Variants in DENND2C observed in about 807,000 individuals in gnomAD.
DENND2C encodes the protein DENN domain containing 2C, also known as DENN domain-containing protein 2C.
Under a neutral mutation model 112.4 loss-of-function variants are expected in DENND2C, and 72 were observed. That is an observed-to-expected ratio of 0.64 (90% CI 0.53 to 0.78). DENND2C has a LOEUF of 0.78. Ranked by LOEUF, DENND2C falls within the 30% of genes least tolerant of loss-of-function variation. DENND2C has a pLI of 0.00. For missense variants in DENND2C, 992 were observed against 1,113.8 expected, an observed-to-expected ratio of 0.89 and a Z score of 1.56; for synonymous variants, 329 against 381.6, an observed-to-expected ratio of 0.86 and a Z score of 1.61.
At chr1:114,629,927 G>A (rs1656441951) in intron 3 of DENND2C, among the ~76,000 whole-genome samples, 1 of 152,082 alleles carries the variant, frequency 6.6e-6, no homozygotes, top group African/African-American at 2.4e-5. Context: ...TAAGCATCTG[G>A]AAAAATAACT....
chr1:114,611,512 C>T (rs1397121053), intron 8 of DENND2C, among the ~76,000 whole-genome samples: 2 of 152,084 alleles, frequency 1.3e-5, no homozygotes, highest in Non-Finnish European at 2.9e-5. Flanking sequence ...AGAATCTAAA[C>T]ACCAACCAGA....
chr1:114,657,943 G>A (rs979196606), intron 1 of DENND2C, among the ~76,000 whole-genome samples: 17 of 152,176 alleles, frequency 1.1e-4, no homozygotes, highest in African/African-American at 2.9e-4. Flanking sequence ...CAATGGGACC[G>A]GAAAGATTAT....
chr1:114,618,707 T>C (rs979930528), intron 7 of DENND2C, among the ~76,000 whole-genome samples: 4 of 152,220 alleles, frequency 2.6e-5, no homozygotes, highest in Admixed American at 1.3e-4. Flanking sequence ...GGAAAGGATA[T>C]TGGATGAACC....
In DENND2C at chr1:114,652,083, G is replaced by A. The variant is rs143296047; in HGVS notation, c.-317+2422C>T. On this transcript the variant is annotated intron_variant, in intron 2 of 20. Transcript: ENST00000393274. ...CGACTGGCACAGAGTATTGGCAAGT[G>A]GACCTTGGGCTTGATTTCAGCTCCT... 8.8e-4 allele frequency among the ~76,000 whole-genome samples: 134 copies of A among 152,264 alleles called. 1 individual carries two copies. Among genetic ancestry groups the A allele is most frequent in the African/African-American group, 3.1e-3 (129 of 41,538 alleles).
chr1:114,616,023 C>T (rs1181864659), intron 8 of DENND2C, among the ~76,000 whole-genome samples: 4 of 151,820 alleles, frequency 2.6e-5, no homozygotes, highest in East Asian at 1.9e-4. Flanking sequence ...TGCAGTGAGC[C>T]GAGATCGCAC....
chr1:114,614,228 T>A (rs1655896491), intron 8 of DENND2C, among the ~76,000 whole-genome samples: 1 of 138,184 alleles, frequency 7.2e-6, no homozygotes. Context: ...TGAGACTCTG[T>A]CTTGAAAAAA....
At chr1:114,655,883 A>ATATATATATATATATATATAT (rs1557960847) in intron 1 of DENND2C, among the ~76,000 whole-genome samples, 116 of 125,856 alleles carry the variant, frequency 9.2e-4, no homozygotes, top group East Asian at 4.9e-3. Context: ...TATATGTATA[A>ATATATATATATATATATATAT]ATATATATAT....
At position 114,583,253 on chromosome 1, in the gene DENND2C, C is replaced by T. The variant is rs775092588; in HGVS notation, c.*2347G>A. Reference sequence around the variant, plus strand: ...CTGTAGGAATTATATTATACAGCACCAGTCTTAAATGGTGTTCTGCTTCAG... The same window carrying T: ...CTGTAGGAATTATATTATACAGCACTAGTCTTAAATGGTGTTCTGCTTCAG... On this transcript the variant is annotated 3_prime_UTR_variant, in exon 21 of 21. Transcript: ENST00000393274. 1 of 152,088 alleles carries T rather than the reference C, an allele frequency of 6.6e-6. No homozygotes were observed. Among genetic ancestry groups the T allele is most frequent in the Non-Finnish European group, 1.5e-5 (1 of 68,022 alleles). The allele number at this position is 152,088 out of a possible 1,614,324, so 9.4% of individuals were successfully genotyped here.
At chr1:114,588,061 G>A (rs1655089889) in intron 18 of DENND2C, 109 bp from the exon 19 acceptor site, 1 of 908,026 alleles carries the variant, frequency 1.1e-6, no homozygotes, top group South Asian at 1.7e-5. Context: ...TAGATTAAAG[G>A]ACTGAGAATA....
At position 114,613,506 on chromosome 1, in the gene DENND2C, A is replaced by G. The variant is rs574132419; in HGVS notation, c.1325-2389T>C. Among the ~76,000 whole-genome samples, 12 of 152,346 alleles carry G rather than the reference A, an allele frequency of 7.9e-5. No homozygotes were observed. The East Asian group carries it at 2.3e-3, about 29-fold the overall frequency. Reference sequence around the variant, plus strand: ...CATATTACATATGTTTTATAACTCAAAATTAACCACCATGACAAAAAGTAT... The same window carrying G: ...CATATTACATATGTTTTATAACTCAGAATTAACCACCATGACAAAAAGTAT... On this transcript the variant is annotated intron_variant, in intron 8 of 20. Coordinates refer to ENST00000393274, the MANE Select transcript of DENND2C (RefSeq NM_001256404.2).
chr1:114,627,538 A>G (rs183959163), intron 3 of DENND2C, among the ~76,000 whole-genome samples: 10 of 152,228 alleles, frequency 6.6e-5, no homozygotes, highest in Admixed American at 6.5e-4. Context: ...AATTTCTGGG[A>G]AAACCAGCTT....
At chr1:114,603,857 A>G (rs940855638) in intron 11 of DENND2C, among the ~76,000 whole-genome samples, 2 of 152,186 alleles carry the variant, frequency 1.3e-5, no homozygotes, top group African/African-American at 4.8e-5. Context: ...CTTGAACAAT[A>G]TATACATGTC....
chr1:114,618,206 T>C (rs1357784509), intron 8 of DENND2C, among the ~76,000 whole-genome samples, 180 bp downstream of exon 8: 1 of 152,170 alleles, frequency 6.6e-6, no homozygotes, highest in African/African-American at 2.4e-5. Context: ...GCCAGGATAG[T>C]CTCGATCTCC....
intron 6 of DENND2C, among the ~76,000 whole-genome samples, chr1:114,622,300 G>C (rs767476929): frequency 4.0e-4 from 60 of 151,856 alleles, no homozygotes; most frequent in African/African-American, 1.4e-3. Context: ...TTTTTTGGTA[G>C]AGATGGGGTT....
chr1:114,589,532 T>C (rs1393567023), intron 18 of DENND2C, among the ~76,000 whole-genome samples: 1 of 152,018 alleles, frequency 6.6e-6, no homozygotes, highest in Non-Finnish European at 1.5e-5. Flanking sequence ...TCTTTTTTCT[T>C]TTTTTTAATT....
At chr1:114,636,611 C>A (rs1485260465) in intron 3 of DENND2C, among the ~76,000 whole-genome samples, 1 of 152,096 alleles carries the variant, frequency 6.6e-6, no homozygotes, top group Admixed American at 6.6e-5. Context: ...GAGGTCGAGG[C>A]TGCAGTGAGC....
chr1:114,636,047 T>G (rs1570794643), intron 3 of DENND2C, among the ~76,000 whole-genome samples: 1 of 149,844 alleles, frequency 6.7e-6, no homozygotes, highest in Non-Finnish European at 1.5e-5. Context: ...ATATATAATA[T>G]ATATATAAGC....
intron 17 of DENND2C, 179 bp downstream of exon 17, chr1:114,595,637 TAGGCAGCTATAAACTG>T (rs1228218246): frequency 7.7e-6 from 4 of 518,866 alleles, no homozygotes; most frequent in Non-Finnish European, 1.4e-5. Flanking sequence ...TCCTTTGGGA[TAGGCAGCTATAAACTG>T]AAGCCAAATT....
At chr1:114,639,946 G>A (rs1216792410) in intron 3 of DENND2C, among the ~76,000 whole-genome samples, 2 of 152,138 alleles carry the variant, frequency 1.3e-5, no homozygotes, top group African/African-American at 4.8e-5. Flanking sequence ...AACTCTGGCA[G>A]GGCATTACTG....
Sources: gnomAD v4.1 joint callset for allele counts (sites outside exome capture counted in the v4.1 genomes callset) on GRCh38, gnomAD v4.1.1 for gene constraint, MANE v1.5 for transcripts, NCBI Gene and HGNC (gene_info 2026-07-23, HGNC 2026-07-21) for gene names.